The following PCDH9 variants were observed in gnomAD, a reference collection of about 807,000 sequenced individuals.
PCDH9 encodes the protein protocadherin-9.
A neutral mutation model predicts 70.6 loss-of-function variants in PCDH9; 24 were observed. The ratio of observed to expected loss-of-function variants is 0.34; its 90% CI spans 0.25 to 0.48. The LOEUF (loss-of-function observed/expected upper bound fraction) is 0.48. Among genes scored for constraint, PCDH9 ranks in the 20% least tolerant of loss-of-function variants. PCDH9 has a pLI of 0.99. For missense variants in PCDH9, 1,281 were observed against 1,503.6 expected (o/e 0.85, Z 2.45); for synonymous variants, 562 against 558.5 (o/e 1.01, Z -0.09).
intron 2 of PCDH9, among the ~76,000 whole-genome samples, chr13:66,983,602 T>G (rs2083822507): frequency 1.3e-5 from 2 of 152,332 alleles, no homozygotes; most frequent in South Asian, 4.1e-4. Context: ...TTTAAAAATA[T>G]TCTCAAATTA....
At chr13:66,847,123 T>C (rs1378958107) in intron 3 of PCDH9, among the ~76,000 whole-genome samples, 1 of 152,186 alleles carries the variant, frequency 6.6e-6, no homozygotes, top group Non-Finnish European at 1.5e-5. Flanking sequence ...ACCTCTCTTT[T>C]AGAAAAGATT....
At chr13:66,398,831 C>A (rs961733523) in intron 4 of PCDH9, among the ~76,000 whole-genome samples, 14 of 152,118 alleles carry the variant, frequency 9.2e-5, no homozygotes, top group African/African-American at 2.9e-4. Context: ...ATGATACATT[C>A]TGCATAAATA....
intron 3 of PCDH9, among the ~76,000 whole-genome samples, chr13:66,844,160 G>C (rs1388684755): frequency 6.6e-6 from 1 of 151,944 alleles, no homozygotes; most frequent in Non-Finnish European, 1.5e-5. Context: ...ATTTAATCCT[G>C]TATTTGATTT....
intron 3 of PCDH9, among the ~76,000 whole-genome samples, chr13:66,717,113 G>A (rs2139142881): frequency 1.3e-5 from 2 of 151,770 alleles, no homozygotes; most frequent in Admixed American, 1.3e-4. Context: ...CTCCTTAGAG[G>A]ACTTCAAGGT....
At chr13:66,401,813 G>A (rs1168586630) in intron 4 of PCDH9, among the ~76,000 whole-genome samples, 1 of 152,012 alleles carries the variant, frequency 6.6e-6, no homozygotes, top group Non-Finnish European at 1.5e-5. Context: ...CTCCATTTTT[G>A]AGCCTCCTCT....
At chr13:66,537,427 A>T (rs1327217659) in intron 4 of PCDH9, among the ~76,000 whole-genome samples, 1 of 152,144 alleles carries the variant, frequency 6.6e-6, no homozygotes, top group Non-Finnish European at 1.5e-5. Context: ...ATCAGTTGAT[A>T]TATTATGTAG....
intron 3 of PCDH9, among the ~76,000 whole-genome samples, chr13:66,653,201 G>GT (rs1467867043): frequency 6.6e-6 from 1 of 152,028 alleles, no homozygotes; most frequent in Non-Finnish European, 1.5e-5. Context: ...TTCCTTTGTT[G>GT]TCTAACAAAG....
intron 3 of PCDH9, among the ~76,000 whole-genome samples, chr13:66,703,065 A>G (rs187519214): frequency 9.1e-4 from 139 of 152,332 alleles, no homozygotes; most frequent in African/African-American, 3.3e-3. Flanking sequence ...TTTGTAATAA[A>G]CCATAAAATT....
At chr13:66,454,858 G>A (rs895420117) in intron 4 of PCDH9, among the ~76,000 whole-genome samples, 2 of 151,994 alleles carry the variant, frequency 1.3e-5, no homozygotes, top group African/African-American at 4.8e-5. Flanking sequence ...GCCCACCTTG[G>A]CCTCCCAAAG....
At chr13:66,504,391 C>T (rs947259535) in intron 4 of PCDH9, among the ~76,000 whole-genome samples, 1 of 152,166 alleles carries the variant, frequency 6.6e-6, no homozygotes, top group Non-Finnish European at 1.5e-5. Context: ...CTCTATTTCT[C>T]TAACCCTTGA....
intron 3 of PCDH9, among the ~76,000 whole-genome samples, chr13:66,654,668 A>T (rs1242297343): frequency 6.6e-6 from 1 of 152,142 alleles, no homozygotes; most frequent in Non-Finnish European, 1.5e-5. Flanking sequence ...ACATATAGAA[A>T]AAAAGACAAA....
chr13:66,687,088 T>C (rs545246611), intron 3 of PCDH9, among the ~76,000 whole-genome samples: 2 of 152,212 alleles, frequency 1.3e-5, no homozygotes, highest in African/African-American at 2.4e-5. Context: ...AACAGGAGTA[T>C]TATGAGATGA....
At chr13:66,849,636 A>C in intron 3 of PCDH9, among the ~76,000 whole-genome samples, 1 of 151,942 alleles carries the variant, frequency 6.6e-6, no homozygotes, top group East Asian at 1.9e-4. Flanking sequence ...GAGAATCAGT[A>C]AATCTAACAT....
Position 67,228,379 on chromosome 13 carries a change from G to A in PCDH9, c.62C>T (p.Ala21Val), listed in dbSNP as rs746689405. ...ALIACLRLDS[A>V]IAQELIYTIR... is the part of the protein sequence containing the mutation. ...AGTGTAAATAAGTTCTTGAGCTATT[G>A]CGGAATCCAGCCTTAAACAGGCAAT... Residue 21 changes from alanine (A) to valine (V), a missense_variant, in exon 2 of 5, where the codon GCA (alanine) becomes GTA (valine). This residue lies in a region of PCDH9 where 798 missense variants were observed against 1,003.1 expected (regional missense o/e 0.80). Coordinates refer to ENST00000377865, the MANE Select transcript of PCDH9 (RefSeq NM_203487.3). 6.2e-7 allele frequency: 1 copy of A among 1,612,402 alleles called. No individual in the cohort carries two copies. The highest frequency in any genetic ancestry group is 1.1e-5 in the South Asian group (1 of 90,600).
At chr13:66,638,206 A>G (rs7999243) in intron 3 of PCDH9, among the ~76,000 whole-genome samples, 12,243 of 152,262 alleles carry the variant, frequency 0.08, 547 homozygotes, top group South Asian at 0.14. Context: ...TCTAAAAAGT[A>G]GAATTTCATT....
intron 2 of PCDH9, among the ~76,000 whole-genome samples, chr13:67,187,479 A>G (rs1045934064): frequency 1.3e-5 from 2 of 152,180 alleles, no homozygotes; most frequent in African/African-American, 4.8e-5. Context: ...ACCTTCTAAC[A>G]TCTTTAAATG....
intron 4 of PCDH9, among the ~76,000 whole-genome samples, chr13:66,383,777 G>A (rs1047439897): frequency 6.6e-6 from 1 of 151,964 alleles, no homozygotes; most frequent in African/African-American, 2.4e-5. Flanking sequence ...AATAATCCAG[G>A]CACCACATTT....
intron 4 of PCDH9, among the ~76,000 whole-genome samples, chr13:66,318,684 C>CT (rs2138082317): frequency 6.6e-6 from 1 of 152,260 alleles, no homozygotes; most frequent in South Asian, 2.1e-4. Flanking sequence ...AGAAAACAGT[C>CT]TTGGTGCACA....
At chr13:67,192,017 C>T (rs949290749) in intron 2 of PCDH9, among the ~76,000 whole-genome samples, 14 of 145,456 alleles carry the variant, frequency 9.6e-5, no homozygotes, top group African/African-American at 3.3e-4. Flanking sequence ...AAAAAAAAAA[C>T]ATGTTGTACA....
Sources: gnomAD v4.1 joint callset for allele counts (sites outside exome capture counted in the v4.1 genomes callset) on GRCh38, gnomAD v4.1.1 for gene constraint, gnomAD v4.1.1 regional missense constraint, MANE v1.5 for transcripts, NCBI Gene and HGNC (gene_info 2026-07-23, HGNC 2026-07-21) for gene names.